The following FADS2 variants were observed in gnomAD, a reference collection of about 807,000 sequenced individuals.
FADS2 encodes acyl-CoA 6-desaturase.
In FADS2, 18 loss-of-function variants were observed where a neutral mutation model predicts 61.2. That is an observed-to-expected ratio of 0.29 (90% CI 0.20 to 0.44). FADS2 has a LOEUF of 0.44. FADS2 is among the 20% of genes least tolerant of loss of function. The probability of loss-of-function intolerance (pLI) is 1.00; values close to 1 mark genes in which losing one functional copy is unlikely to be tolerated. For missense variants in FADS2, 322 were observed against 572.7 expected (o/e 0.56, Z 4.47); for synonymous variants, 203 against 223.9 (o/e 0.91, Z 0.83).
chr11:61,858,527 T>C (rs1186020290), intron 7 of FADS2, among the ~76,000 whole-genome samples: 2 of 151,952 alleles, frequency 1.3e-5, no homozygotes, highest in African/African-American at 4.8e-5. Flanking sequence ...TTCTTGAAAA[T>C]TTTTCCTTTT....
chr11:61,863,155 C>T, intron 8 of FADS2, 86 bp downstream of exon 8: 1 of 1,467,142 alleles, frequency 6.8e-7, no homozygotes. Context: ...GACGGCTCCA[C>T]TTTGCCTGGG....
chr11:61,864,832 C>T (rs1381378578), intron 10 of FADS2, among the ~76,000 whole-genome samples: 2 of 152,136 alleles, frequency 1.3e-5, no homozygotes, highest in Non-Finnish European at 2.9e-5. Flanking sequence ...CACCGTGCCT[C>T]ACCTCACTGC....
chr11:61,838,698 G>A (rs1025519448), intron 2 of FADS2, among the ~76,000 whole-genome samples: 3 of 152,030 alleles, frequency 2.0e-5, no homozygotes, highest in Non-Finnish European at 4.4e-5. Context: ...CACCCTGCAG[G>A]TCCTTCAAAG....
Position 61,863,803 on chromosome 11 carries a change from G to C in FADS2, c.1157+17G>C, listed in dbSNP as rs767302779. The C allele has an allele frequency of 6.2e-7, 1 of 1,603,324 alleles. No homozygotes were observed. The highest frequency in any genetic ancestry group is 8.5e-7 in the Non-Finnish European group (1 of 1,170,276). ...TGAGCACCAGTGAGCGCGGGGCTGCGGGGAGGCGGGGAGACCCACAGCGGG... is the reference window on the plus strand; with the variant it reads ...TGAGCACCAGTGAGCGCGGGGCTGCCGGGAGGCGGGGAGACCCACAGCGGG... On this transcript the variant is annotated intron_variant, in intron 10 of 11. Coordinates refer to ENST00000278840, the MANE Select transcript of FADS2 (RefSeq NM_004265.4).
At chr11:61,833,088 C>A (rs575279370) in intron 1 of FADS2, among the ~76,000 whole-genome samples, 3 of 152,316 alleles carry the variant, frequency 2.0e-5, no homozygotes, top group East Asian at 3.9e-4. Context: ...CAGGAACTGG[C>A]AAAGAGCGAA....
At chr11:61,864,628 C>G (rs2067446354) in intron 10 of FADS2, among the ~76,000 whole-genome samples, 1 of 152,160 alleles carries the variant, frequency 6.6e-6, no homozygotes. Context: ...CTCCTAGCCT[C>G]AAGTGATCCA....
chr11:61,837,715 C>T, intron 1 of FADS2, 63 bp from the exon 2 acceptor site: 1 of 1,190,402 alleles, frequency 8.4e-7, no homozygotes, highest in Non-Finnish European at 1.2e-6. Flanking sequence ...GCACTGTCCT[C>T]CTTGGGGCCC....
At chr11:61,834,269 T>C (rs1466873593) in intron 1 of FADS2, among the ~76,000 whole-genome samples, 1 of 152,194 alleles carries the variant, frequency 6.6e-6, no homozygotes, top group Non-Finnish European at 1.5e-5. Context: ...AACAGACTGC[T>C]CGGTTTTCTA....
chr11:61,821,279 G>A (rs2067034470), intron 1 of FADS2: 1 of 630,542 alleles, frequency 1.6e-6, no homozygotes, highest in Non-Finnish European at 2.8e-6. Flanking sequence ...CAGTGCTTTG[G>A]GAGGCTGAGG....
At chr11:61,818,147 G>A (rs886064862) in intron 1 of FADS2, among the ~76,000 whole-genome samples, 3 of 152,140 alleles carry the variant, frequency 2.0e-5, no homozygotes, top group African/African-American at 7.2e-5. Flanking sequence ...GTCAGGAGAG[G>A]GTGATACAGA....
chr11:61,858,686 A>G (rs1489527338), intron 7 of FADS2, among the ~76,000 whole-genome samples: 2 of 151,642 alleles, frequency 1.3e-5, no homozygotes, highest in Non-Finnish European at 2.9e-5. Context: ...CCTGGGTTCA[A>G]GCGATTCTCC....
chr11:61,819,565 C>A (rs1475460366), intron 1 of FADS2, among the ~76,000 whole-genome samples: 1 of 152,074 alleles, frequency 6.6e-6, no homozygotes, highest in African/African-American at 2.4e-5. Flanking sequence ...AAAAAGAAAA[C>A]TATTTATAAA....
At chr11:61,864,906 GGCCACC>G (rs929323877) in intron 10 of FADS2, among the ~76,000 whole-genome samples, 44 of 152,206 alleles carry the variant, frequency 2.9e-4, no homozygotes, top group African/African-American at 9.6e-4. Context: ...CTTTGTCTCT[GGCCACC>G]CAATATCTTC....
upstream of FADS2, chr11:61,826,090 A>T (rs764541364): frequency 5.7e-6 from 4 of 702,378 alleles, no homozygotes; most frequent in African/African-American, 3.5e-5. Context: ...TACACCATGG[A>T]TCTGATCACA....
Position 61,865,406 on chromosome 11 carries a change from T to A in FADS2, c.1283+129T>A. On this transcript the variant is annotated intron_variant, in intron 11 of 11. Transcript: ENST00000278840. This position sits in a 1 kb window ranked among gnomAD's most constrained non-coding sequence, Gnocchi z 4.1. Reference sequence around the variant, plus strand: ...GGCACCTGCCTTACTCCCGAGCCTGTGTTAGGAGCTGTTGGGCTTTTCTCC... The same window carrying A: ...GGCACCTGCCTTACTCCCGAGCCTGAGTTAGGAGCTGTTGGGCTTTTCTCC... 1 of 1,196,762 alleles carries A rather than the reference T, an allele frequency of 8.4e-7. No homozygotes were observed. The highest frequency in any genetic ancestry group is 1.5e-5 in the South Asian group (1 of 66,334). The allele number at this position is 1,196,762 out of a possible 1,614,324, so 74.1% of individuals were successfully genotyped here.
chr11:61,824,682 A>C (rs778127164), upstream of FADS2, among the ~76,000 whole-genome samples: 1 of 151,914 alleles, frequency 6.6e-6, no homozygotes, highest in Non-Finnish European at 1.5e-5. Flanking sequence ...TGTTCCCCAA[A>C]GCCCAGGTCT....
At chr11:61,839,299 A>G (rs2067199458) in intron 2 of FADS2, among the ~76,000 whole-genome samples, 1 of 151,588 alleles carries the variant, frequency 6.6e-6, no homozygotes, top group Admixed American at 6.6e-5. Context: ...GGAAAATGCA[A>G]GTTTTATTTT....
chr11:61,817,104 G>A (rs968858586), intron 1 of FADS2: 9 of 634,238 alleles, frequency 1.4e-5, no homozygotes, highest in Non-Finnish European at 1.9e-5. Context: ...GGGCGCCGCG[G>A]TAGGAACAGC....
At chr11:61,863,112 A>G (rs769904879) in intron 8 of FADS2, 43 bp downstream of exon 8, 1 of 1,557,242 alleles carries the variant, frequency 6.4e-7, no homozygotes, top group South Asian at 1.1e-5. Flanking sequence ...CTCCACTGGC[A>G]CTGATGATGG....
Sources: allele counts gnomAD v4.1 joint callset (sites outside exome capture counted in the v4.1 genomes callset), GRCh38; gene constraint gnomAD v4.1.1; non-coding constraint Gnocchi (gnomAD v3.1); transcripts MANE v1.5; gene names NCBI Gene and HGNC (gene_info 2026-07-23, HGNC 2026-07-21).